Variants in DSC3 observed in about 807,000 individuals in gnomAD.
The protein encoded by DSC3 is desmocollin-3.
In DSC3, 97 loss-of-function variants were observed where a neutral mutation model predicts 89.5. The ratio of observed to expected loss-of-function variants is 1.08; its 90% confidence interval spans 0.92 to 1.28. The LOEUF (loss-of-function observed/expected upper bound fraction) is 1.28. Among genes scored for constraint, DSC3 ranks in the 50% most tolerant of loss-of-function variants. The pLI, the probability that DSC3 is intolerant of heterozygous loss-of-function variation, is 0.00. For synonymous variants in DSC3, 436 were observed against 384.1 expected (o/e 1.14, Z -1.58); for missense variants, 1,199 against 1,085.3 (o/e 1.10, Z -1.47).
chr18:31,025,748 T>C lies in DSC3; in HGVS notation c.630+12A>G. The C allele has an allele frequency of 8.1e-6, 13 of 1,612,176 alleles. No individual in the cohort carries two copies. Among genetic ancestry groups the C allele is most frequent in the Non-Finnish European group, 9.3e-6 (11 of 1,178,596 alleles). On this transcript the variant is annotated intron_variant, in intron 5 of 15. Coordinates refer to ENST00000360428, the MANE Select transcript of DSC3 (RefSeq NM_001941.5). Reference sequence around the variant, plus strand: ...AATAATTTAAAGTCAGGCATATCAATAAAAGTCCTACATCAAAAACATCAT... The same window carrying C: ...AATAATTTAAAGTCAGGCATATCAACAAAAGTCCTACATCAAAAACATCAT...
At chr18:31,034,583 C>T (rs1375693053) in intron 1 of DSC3, among the ~76,000 whole-genome samples, 2 of 152,134 alleles carry the variant, frequency 1.3e-5, no homozygotes, top group Non-Finnish European at 2.9e-5. Context: ...ATTCACAGTA[C>T]ATACCATTAT....
chr18:30,994,620 A>G, intron 15 of DSC3: 1 of 697,294 alleles, frequency 1.4e-6, no homozygotes, highest in East Asian at 4.6e-5. Context: ...ATTTAAGTAC[A>G]TTCAAGTTGT....
intron 7 of DSC3, among the ~76,000 whole-genome samples, chr18:31,021,391 A>T (rs1985413766): frequency 6.6e-6 from 1 of 152,148 alleles, no homozygotes; most frequent in African/African-American, 2.4e-5. Context: ...TATGTATTTT[A>T]TCTATAACAT....
intron 1 of DSC3, among the ~76,000 whole-genome samples, chr18:31,037,787 C>G (rs1221957184): frequency 6.6e-6 from 1 of 152,052 alleles, no homozygotes; most frequent in Non-Finnish European, 1.5e-5. Flanking sequence ...GTAATCCCAG[C>G]TACTCAGGAA....
rs1270908540 is a variant in DSC3, at chr18:30,992,859, C to T, written c.*1316G>A. 6.6e-6 allele frequency: 1 copy of T among 152,210 alleles called. No homozygotes were observed. Among genetic ancestry groups the T allele is most frequent in the Non-Finnish European group, 1.5e-5 (1 of 68,048 alleles). The allele number at this position is 152,210 out of a possible 1,614,324, so 9.4% of individuals were successfully genotyped here. On this transcript the variant is annotated 3_prime_UTR_variant, in exon 16 of 16. Coordinates refer to ENST00000360428, the MANE Select transcript of DSC3 (RefSeq NM_001941.5). ...ATCTCTGCTGGAGGTGTTGCTTTAGCAGAAAGCCGAAAGAAGGGGGCCCAC... is the reference window on the plus strand; with the variant it reads ...ATCTCTGCTGGAGGTGTTGCTTTAGTAGAAAGCCGAAAGAAGGGGGCCCAC...
intron 1 of DSC3, among the ~76,000 whole-genome samples, chr18:31,037,077 C>A (rs1985996475): frequency 6.6e-6 from 1 of 152,084 alleles, no homozygotes; most frequent in African/African-American, 2.4e-5. Flanking sequence ...AGGCGTGAGC[C>A]ACCGCACTCG....
chr18:31,038,670 T>C (rs1416696309), intron 1 of DSC3, among the ~76,000 whole-genome samples: 4 of 152,106 alleles, frequency 2.6e-5, no homozygotes, highest in East Asian at 1.9e-4. Flanking sequence ...TTTTAAAAAA[T>C]GTTCTTCATA....
At chr18:31,021,656 T>C (rs1336611537) in intron 7 of DSC3, among the ~76,000 whole-genome samples, 1 of 152,170 alleles carries the variant, frequency 6.6e-6, no homozygotes, top group Non-Finnish European at 1.5e-5. Flanking sequence ...CCTTAGTCAA[T>C]AATGCATGAT....
chr18:31,022,569 A>G, intron 6 of DSC3, 67 bp from the exon 7 acceptor site: 1 of 1,532,568 alleles, frequency 6.5e-7, no homozygotes, highest in African/African-American at 1.4e-5. Context: ...AAAAGTATCT[A>G]CAATCTTAAA....
chr18:31,001,100 T>C (rs1007359936), intron 14 of DSC3, among the ~76,000 whole-genome samples: 1 of 147,334 alleles, frequency 6.8e-6, no homozygotes, highest in Admixed American at 6.8e-5. Context: ...TATATATATA[T>C]ATATATATAT....
At position 31,030,122 on chromosome 18, in the gene DSC3, C is replaced by T. The variant is rs77612417; in HGVS notation, c.355-494G>A. ...ATGTGATTATTTAAATTTAAATTAA[C>T]TGACACTAAATAACATAAGAAGCTC... On this transcript the variant is annotated intron_variant, in intron 3 of 15. Coordinates refer to ENST00000360428, the MANE Select transcript of DSC3 (RefSeq NM_001941.5). Among the ~76,000 whole-genome samples, 1,194 of 152,248 alleles carry T rather than the reference C, an allele frequency of 7.8e-3. 20 individuals are homozygous for T. Among genetic ancestry groups the T allele is most frequent in the African/African-American group, 0.028 (1,154 of 41,562 alleles).
chr18:31,032,236 A>AG lies in DSC3; in HGVS notation c.109dup (p.Leu37ProfsTer2). 6.2e-7 allele frequency: 1 copy of AG among 1,613,854 alleles called. No individual in the cohort carries two copies. Among genetic ancestry groups the AG allele is most frequent in the Non-Finnish European group, 8.5e-7 (1 of 1,179,782 alleles). ...TGCCTCTAGTTTAGAAGGTACATTA[A>AG]GTATCACCTTTTTGCAGGCTTCACC... On this transcript the variant is annotated frameshift_variant, in exon 2 of 16. Coordinates refer to ENST00000360428, the MANE Select transcript of DSC3 (RefSeq NM_001941.5). LOFTEE classifies it high-confidence loss of function.
At chr18:31,004,579 G>A (rs541375521) in intron 12 of DSC3, among the ~76,000 whole-genome samples, 1 of 152,222 alleles carries the variant, frequency 6.6e-6, no homozygotes, top group South Asian at 2.1e-4. Context: ...GAGCCCTAAA[G>A]AAATAATTTG....
chr18:30,992,965 A>G lies in DSC3; in HGVS notation c.*1210T>C, dbSNP rs780396461. 1.3e-5 allele frequency: 2 copies of G among 152,226 alleles called. No individual in the cohort carries two copies. The highest frequency in any genetic ancestry group is 2.4e-5 in the African/African-American group (1 of 41,458). The allele number at this position is 152,226 out of a possible 1,614,324, so 9.4% of individuals were successfully genotyped here. On this transcript the variant is annotated 3_prime_UTR_variant, in exon 16 of 16. Transcript: ENST00000360428. ...AGAAAAATGAAATTTTGTAGCTCCC[A>G]GACCTGATCAGGTGTCAAGTTTGTG... is the stretch of plus-strand genomic sequence containing the variant.
At chr18:31,035,625 T>C (rs559045057) in intron 1 of DSC3, among the ~76,000 whole-genome samples, 15 of 151,968 alleles carry the variant, frequency 9.9e-5, no homozygotes, top group African/African-American at 3.6e-4. Context: ...AATATATATT[T>C]ACTCACATCT....
intron 1 of DSC3, among the ~76,000 whole-genome samples, chr18:31,038,819 G>A (rs79855017): frequency 9.9e-5 from 15 of 152,132 alleles, no homozygotes; most frequent in African/African-American, 3.4e-4. Context: ...CTATATAGCA[G>A]TAGCTCATTC....
chr18:31,001,089 G>GTTTATATATATATATATA (rs141615987), intron 14 of DSC3, among the ~76,000 whole-genome samples: 1 of 126,032 alleles, frequency 7.9e-6, no homozygotes, highest in African/African-American at 2.9e-5. Flanking sequence ...TTGTGTGTGT[G>GTTTATATATATATATATA]TATATATATA....
intron 4 of DSC3, 116 bp downstream of exon 4, chr18:31,029,393 T>C (rs1985703766): frequency 7.4e-7 from 1 of 1,352,114 alleles, no homozygotes; most frequent in East Asian, 2.4e-5. Context: ...TTGTTACACC[T>C]CATGAACATC....
At chr18:31,006,225 T>C (rs765641168) in intron 12 of DSC3, among the ~76,000 whole-genome samples, 1 of 152,152 alleles carries the variant, frequency 6.6e-6, no homozygotes, top group Non-Finnish European at 1.5e-5. Context: ...CCTGAGTTCC[T>C]CACTTCCAGA....
Sources: allele counts gnomAD v4.1 joint callset (sites outside exome capture counted in the v4.1 genomes callset), GRCh38; gene constraint gnomAD v4.1.1; transcripts MANE v1.5; gene names NCBI Gene and HGNC (gene_info 2026-07-23, HGNC 2026-07-21).